Variants in THRB observed in about 807,000 individuals in gnomAD.
The protein encoded by THRB is thyroid hormone receptor beta, also known as nuclear receptor subfamily 1 group A member 2.
A neutral mutation model predicts 47.8 loss-of-function variants in THRB; 12 were observed. The ratio of observed to expected loss-of-function variants is 0.25; its 90% CI spans 0.16 to 0.41. The LOEUF is 0.41. Among genes scored for constraint, THRB ranks in the 10% least tolerant of loss-of-function variants. THRB has a pLI of 1.00. For synonymous variants in THRB, 218 were observed against 212.2 expected (o/e 1.03, Z -0.24); for missense variants, 348 against 589.2 (o/e 0.59, Z 4.24).
chr3:24,267,092 G>C (rs1469209458), intron 3 of THRB, among the ~76,000 whole-genome samples: 3 of 152,056 alleles, frequency 2.0e-5, no homozygotes, highest in African/African-American at 7.2e-5. Flanking sequence ...GAAAAGGGAT[G>C]AAAAGGGGGG....
At chr3:24,208,297 C>A (rs570395621) in intron 4 of THRB, among the ~76,000 whole-genome samples, 10,932 of 152,004 alleles carry the variant, frequency 0.072, 1,238 homozygotes, top group African/African-American at 0.25. Flanking sequence ...AGATTCAATG[C>A]CATCCCCATC....
intron 1 of THRB, among the ~76,000 whole-genome samples, chr3:24,361,908 C>T (rs1404158792): frequency 6.6e-6 from 1 of 152,136 alleles, no homozygotes; most frequent in Non-Finnish European, 1.5e-5. Context: ...ACACCCAATA[C>T]TACTTGCCCA....
At chr3:24,387,051 CT>C (rs2066178136) in intron 1 of THRB, among the ~76,000 whole-genome samples, 2 of 152,260 alleles carry the variant, frequency 1.3e-5, no homozygotes, top group Admixed American at 1.3e-4. Flanking sequence ...CTCTTATCCT[CT>C]CTCCAGCATG....
intron 4 of THRB, among the ~76,000 whole-genome samples, chr3:24,195,122 G>T (rs826229): frequency 0.26 from 38,950 of 152,052 alleles, 5,193 homozygotes; most frequent in Admixed American, 0.35. Flanking sequence ...AACCCATAAG[G>T]TTTAGCCTTG....
chr3:24,358,628 G>T (rs2063855269), intron 1 of THRB, among the ~76,000 whole-genome samples: 2 of 151,834 alleles, frequency 1.3e-5, no homozygotes, highest in Non-Finnish European at 2.9e-5. Context: ...TTGTTCATTT[G>T]TCTGCCTACT....
intron 2 of THRB, among the ~76,000 whole-genome samples, chr3:24,332,900 CA>C (rs1280192487): frequency 3.3e-5 from 5 of 151,860 alleles, no homozygotes; most frequent in Non-Finnish European, 7.4e-5. Context: ...ACTAAAAATA[CA>C]AAAAATTAGC....
intron 1 of THRB, among the ~76,000 whole-genome samples, chr3:24,358,429 T>C (rs891508301): frequency 1.1e-4 from 16 of 152,184 alleles, no homozygotes; most frequent in African/African-American, 3.6e-4. Flanking sequence ...GAGTCTTTGA[T>C]TCATTTGGAA....
At chr3:24,202,625 A>C (rs1241124443) in intron 4 of THRB, among the ~76,000 whole-genome samples, 2 of 152,240 alleles carry the variant, frequency 1.3e-5, no homozygotes, top group African/African-American at 4.8e-5. Context: ...CAAATCATTT[A>C]GAACTGACAA....
intron 1 of THRB, among the ~76,000 whole-genome samples, chr3:24,398,036 G>T (rs1051332964): frequency 6.6e-6 from 1 of 152,102 alleles, no homozygotes; most frequent in Non-Finnish European, 1.5e-5. Flanking sequence ...AAAGCCAAAA[G>T]TATCTTCTAT....
At chr3:24,458,991 G>T (rs150604595) in intron 1 of THRB, 1 of 150,684 alleles carries the variant, frequency 6.6e-6, no homozygotes, top group Non-Finnish European at 1.5e-5. Flanking sequence ...TAAGTTCTGC[G>T]GTACATGTGC....
chr3:24,204,047 G>A (rs2044962912), intron 4 of THRB, among the ~76,000 whole-genome samples: 1 of 152,258 alleles, frequency 6.6e-6, no homozygotes, highest in Non-Finnish European at 1.5e-5. Context: ...AGCTCAAGGA[G>A]GCCTGCCTGC....
intron 2 of THRB, among the ~76,000 whole-genome samples, chr3:24,312,668 A>T (rs1352469562): frequency 6.6e-6 from 1 of 152,204 alleles, no homozygotes; most frequent in East Asian, 1.9e-4. Context: ...TACCTAGATC[A>T]AAGAATCATA....
chr3:24,492,138 T>C (rs1242937769), intron 1 of THRB, among the ~76,000 whole-genome samples: 1 of 152,218 alleles, frequency 6.6e-6, no homozygotes, highest in East Asian at 1.9e-4. Flanking sequence ...TTTGAGAACA[T>C]AATATTTGGA....
chr3:24,377,130 G>C lies in THRB; in HGVS notation c.-260-39759C>G, dbSNP rs191419859. Among the ~76,000 whole-genome samples the C allele has an allele frequency of 2.0e-3, 303 of 152,128 alleles. 2 individuals carry two copies. The highest frequency in any genetic ancestry group is 7.7e-3 in the South Asian group (37 of 4,812). On this transcript the variant is annotated intron_variant, in intron 1 of 10. Transcript: ENST00000646209. ...TTTATTTTTTATTTTAATTTTTGTA[G>C]AGATGGGTCTTACTTTGTTGCCCAG...
intron 5 of THRB, among the ~76,000 whole-genome samples, chr3:24,188,858 A>AATATATAATATATATATAT (rs2042953708): frequency 1.1e-5 from 1 of 94,342 alleles, no homozygotes; most frequent in African/African-American, 6.2e-5. Context: ...GATCTCCTCA[A>AATATATAATATATATATAT]ATATATATAT....
At chr3:24,366,752 C>T (rs1486357494) in intron 1 of THRB, among the ~76,000 whole-genome samples, 2 of 151,774 alleles carry the variant, frequency 1.3e-5, no homozygotes, top group Non-Finnish European at 2.9e-5. Context: ...TCCCGAGAAG[C>T]TGGGATTACA....
chr3:24,463,537 C>T (rs2073883057), intron 1 of THRB, among the ~76,000 whole-genome samples: 2 of 152,176 alleles, frequency 1.3e-5, no homozygotes, highest in Non-Finnish European at 2.9e-5. Context: ...GGATTACAGG[C>T]ATGAGCCACC....
intron 3 of THRB, among the ~76,000 whole-genome samples, chr3:24,242,971 T>C (rs925053742): frequency 9.9e-5 from 15 of 151,742 alleles, no homozygotes; most frequent in African/African-American, 2.9e-4. Flanking sequence ...TGGGGTTTTG[T>C]TTCCTAGCTG....
Position 24,136,275 on chromosome 3 carries a change from C to A in THRB, c.739-2813G>T, listed in dbSNP as rs550557003. Among the ~76,000 whole-genome samples the A allele has an allele frequency of 5.3e-5, 8 of 152,260 alleles. No individual in the cohort carries two copies. In the East Asian group the frequency reaches 1.3e-3, roughly 26 times the overall value. ...AAGCCTCTGGCTATTTAATGGACTA[C>A]AAAATTGCTAGAAGTAAAACTATGA... On this transcript the variant is annotated intron_variant, in intron 8 of 10. Transcript: ENST00000646209.
Sources: gnomAD v4.1 joint callset for allele counts (sites outside exome capture counted in the v4.1 genomes callset) on GRCh38, gnomAD v4.1.1 for gene constraint, MANE v1.5 for transcripts, NCBI Gene and HGNC (gene_info 2026-07-23, HGNC 2026-07-21) for gene names.